CDH4: variants seen among roughly 807,000 people sequenced by gnomAD.
The protein encoded by CDH4 is cadherin 4, also known as cadherin-4.
Under a neutral mutation model 86.0 loss-of-function variants are expected in CDH4, and 33 were observed. The ratio of observed to expected loss-of-function variants is 0.38; its 90% CI spans 0.29 to 0.51. The LOEUF is 0.51. Among genes scored for constraint, CDH4 ranks in the 20% least tolerant of loss-of-function variants. The pLI is 0.86. For synonymous variants in CDH4, 555 were observed against 549.4 expected (o/e 1.01, Z -0.14); for missense variants, 1,114 against 1,307.4 (o/e 0.85, Z 2.28).
At chr20:61,916,448 A>G (rs928738261) in intron 9 of CDH4, among the ~76,000 whole-genome samples, 3 of 152,240 alleles carry the variant, frequency 2.0e-5, no homozygotes, top group African/African-American at 7.2e-5. Flanking sequence ...CCTGGATATA[A>G]ATGATTTGGC....
At chr20:61,818,492 T>C (rs1370957424) in intron 4 of CDH4, among the ~76,000 whole-genome samples, 1 of 151,958 alleles carries the variant, frequency 6.6e-6, no homozygotes, top group Non-Finnish European at 1.5e-5. Flanking sequence ...CTGGGTAACA[T>C]AGCAAGGCCC....
rs1396009071 is a variant in CDH4 at position 61,708,317 on chromosome 20, G to A, written c.170-35246G>A. Among the ~76,000 whole-genome samples the A allele has an allele frequency of 2.9e-5, 4 of 135,870 alleles. No individual in the cohort carries two copies. The highest frequency in any genetic ancestry group is 2.4e-4 in the South Asian group (1 of 4,200). The allele number at this position is 135,870 out of a possible 152,430, so 89.1% of individuals were successfully genotyped here. ...CGCTGACTCAGACTCCCCGCCCCCCGCCTACCCCCAGCAGCTTGGTCCCCT... is the reference window on the plus strand; with the variant it reads ...CGCTGACTCAGACTCCCCGCCCCCCACCTACCCCCAGCAGCTTGGTCCCCT... On this transcript the variant is annotated intron_variant, in intron 2 of 15. Coordinates refer to ENST00000614565, the MANE Select transcript of CDH4 (RefSeq NM_001794.5). This position sits in a 1 kb window ranked among gnomAD's most constrained non-coding sequence, Gnocchi z 4.5.
rs866891395 is a variant in CDH4 at position 61,296,472 on chromosome 20, A to G, written c.169+41535A>G. 1.1e-4 allele frequency among the ~76,000 whole-genome samples: 17 copies of G among 152,000 alleles called. No homozygotes were observed. The Middle Eastern group carries it at 0.01, about 91-fold the overall frequency. On this transcript the variant is annotated intron_variant, in intron 2 of 15. Transcript: ENST00000614565. Reference sequence around the variant, plus strand: ...CCCTGGATCTCAAAGTTTTTTGACCATGATTCATAGAAAAAAAATGCTTTA... The same window carrying G: ...CCCTGGATCTCAAAGTTTTTTGACCGTGATTCATAGAAAAAAAATGCTTTA...
chr20:61,735,442 T>C (rs141413011), intron 2 of CDH4, among the ~76,000 whole-genome samples: 1 of 152,246 alleles, frequency 6.6e-6, no homozygotes, highest in African/African-American at 2.4e-5. Flanking sequence ...ACCCCCCTGG[T>C]GGGCAGAACC....
chr20:61,781,545 G>A lies in CDH4; in HGVS notation c.576+8363G>A, dbSNP rs545240917. ...AGTGGATTGCTGAGGCAGGAGAAAG[G>A]GTCAGCGCATTTGAAGATGGATCAA... On this transcript the variant is annotated intron_variant, in intron 4 of 15. Coordinates refer to ENST00000614565, the MANE Select transcript of CDH4 (RefSeq NM_001794.5). Among the ~76,000 whole-genome samples, 14 of 152,314 alleles carry A rather than the reference G, an allele frequency of 9.2e-5. No homozygotes were observed. In the South Asian group the frequency reaches 2.9e-3, roughly 32 times the overall value.
intron 6 of CDH4, among the ~76,000 whole-genome samples, chr20:61,861,870 G>A (rs1218497059): frequency 6.6e-6 from 1 of 152,180 alleles, no homozygotes; most frequent in Admixed American, 6.5e-5. Context: ...TGCTGCGGAG[G>A]GCACCAGGTG....
intron 2 of CDH4, among the ~76,000 whole-genome samples, chr20:61,627,704 G>A (rs533230345): frequency 5.3e-5 from 8 of 151,776 alleles, no homozygotes; most frequent in Admixed American, 3.3e-4. Flanking sequence ...CCCGCCCCCC[G>A]ACTCGACTTG....
rs1270232175 is a variant in CDH4, at chr20:61,703,456, T to C, written c.170-40107T>C. On this transcript the variant is annotated intron_variant, in intron 2 of 15. Coordinates refer to ENST00000614565, the MANE Select transcript of CDH4 (RefSeq NM_001794.5). The surrounding 1 kb of genome is among the most constrained non-coding windows in gnomAD (Gnocchi z 4.3). ...CAGTGTGGCTGGGATATGGGCGGCCTTGCATTTGCAGAGTATTTAACCTAA... is the reference window on the plus strand; with the variant it reads ...CAGTGTGGCTGGGATATGGGCGGCCCTGCATTTGCAGAGTATTTAACCTAA... 1.3e-5 allele frequency among the ~76,000 whole-genome samples: 2 copies of C among 152,184 alleles called. No individual in the cohort carries two copies. Among genetic ancestry groups the C allele is most frequent in the Non-Finnish European group, 2.9e-5 (2 of 68,036 alleles).
intron 2 of CDH4, among the ~76,000 whole-genome samples, chr20:61,700,650 T>C (rs1404022993): frequency 6.6e-6 from 1 of 151,642 alleles, no homozygotes; most frequent in African/African-American, 2.4e-5. Flanking sequence ...CCATACAGCC[T>C]CACTGTGGGG....
At chr20:61,759,692 C>T (rs1002142118) in intron 3 of CDH4, among the ~76,000 whole-genome samples, 5 of 151,998 alleles carry the variant, frequency 3.3e-5, no homozygotes, top group African/African-American at 1.2e-4. Context: ...TTTCTATAAA[C>T]TGGAGGGTAA....
intron 2 of CDH4, among the ~76,000 whole-genome samples, chr20:61,554,250 A>G (rs1466921132): frequency 6.6e-6 from 1 of 152,148 alleles, no homozygotes; most frequent in Non-Finnish European, 1.5e-5. Flanking sequence ...TCTGGTTCAC[A>G]TTGCCCTTGG....
intron 2 of CDH4, among the ~76,000 whole-genome samples, chr20:61,712,969 A>C (rs2087909413): frequency 6.6e-6 from 1 of 152,160 alleles, no homozygotes; most frequent in African/African-American, 2.4e-5. Flanking sequence ...TTGCCAGGAC[A>C]CTGGGGATGG....
rs548448667 is a variant in CDH4 at position 61,923,766 on chromosome 20, C to T, written c.1628+62C>T. ...CTTCCCAGGTTCCATACAGAAGGGT[C>T]CAGAAATACCCCATGAAACCCACAG... On this transcript the variant is annotated intron_variant, in intron 10 of 15. Transcript: ENST00000614565. 7.0e-4 allele frequency: 1,069 copies of T among 1,530,094 alleles called. 9 individuals carry two copies. Among genetic ancestry groups the T allele is most frequent in the East Asian group, 3.4e-4 (14 of 40,588 alleles). 94.8% of individuals were successfully genotyped at this position (1,530,094 alleles called of 1,614,324 possible).
intron 2 of CDH4, among the ~76,000 whole-genome samples, chr20:61,732,562 G>A (rs1286092112): frequency 6.6e-6 from 1 of 152,122 alleles, no homozygotes; most frequent in Non-Finnish European, 1.5e-5. Flanking sequence ...CTTCCCTCAG[G>A]CACCAACACA....
chr20:61,428,538 G>A (rs531083022), intron 2 of CDH4, among the ~76,000 whole-genome samples: 1 of 152,314 alleles, frequency 6.6e-6, no homozygotes, highest in Non-Finnish European at 1.5e-5. Flanking sequence ...GAAAGACACT[G>A]TGGGCAATTC....
chr20:61,525,103 G>A (rs535771321), intron 2 of CDH4, among the ~76,000 whole-genome samples: 1 of 152,274 alleles, frequency 6.6e-6, no homozygotes, highest in South Asian at 2.1e-4. Context: ...AGCTCAAATG[G>A]TGCCTTTGCC....
intron 2 of CDH4, among the ~76,000 whole-genome samples, chr20:61,597,944 T>C (rs11204432): frequency 0.28 from 42,935 of 152,096 alleles, 6,670 homozygotes; most frequent in African/African-American, 0.42. Context: ...TTTCCTATTT[T>C]CTCCAAGTTT....
intron 2 of CDH4, among the ~76,000 whole-genome samples, chr20:61,598,132 C>G (rs966488173): frequency 2.9e-4 from 44 of 152,164 alleles, no homozygotes; most frequent in African/African-American, 1.0e-3. Flanking sequence ...GTGATGGTGA[C>G]CCGCCGGGGA....
At chr20:61,794,474 G>T (rs571359848) in intron 4 of CDH4, among the ~76,000 whole-genome samples, 1 of 152,308 alleles carries the variant, frequency 6.6e-6, no homozygotes, top group Admixed American at 6.5e-5. Flanking sequence ...TGTTCCCAAG[G>T]ACATTAATTC....
Sources: allele counts gnomAD v4.1 joint callset (sites outside exome capture counted in the v4.1 genomes callset), GRCh38; gene constraint gnomAD v4.1.1; non-coding constraint Gnocchi (gnomAD v3.1); transcripts MANE v1.5; gene names NCBI Gene and HGNC (gene_info 2026-07-23, HGNC 2026-07-21).